The following TMEM272 variants were observed in gnomAD, a reference collection of about 807,000 sequenced individuals.
TMEM272 encodes long intergenic non-protein coding RNA 282.
In TMEM272, 8 loss-of-function variants were observed where a neutral mutation model predicts 3.7. The observed-to-expected ratio is 2.17, with a 90% CI of 1.27 to 3.91. TMEM272 has a LOEUF of 3.91. Among genes scored for constraint, TMEM272 ranks in the 30% most tolerant of loss-of-function variants. The probability of loss-of-function intolerance (pLI) is 0.00; values close to 1 mark genes in which losing one functional copy is unlikely to be tolerated. For synonymous variants in TMEM272, 63 were observed against 39.8 expected (o/e 1.58, Z -2.20); for missense variants, 166 against 91.5 (o/e 1.81, Z -3.32).
At chr13:51,881,128 A>G in the TMEM272 span, among the ~76,000 whole-genome samples, 8 of 152,190 alleles carry the variant, frequency 5.3e-5, no homozygotes, top group Non-Finnish European at 7.3e-5. Flanking sequence ...GAACAACTGA[A>G]TAACACTGAA....
chr13:51,880,134 G>A, the TMEM272 span, among the ~76,000 whole-genome samples: 3 of 152,204 alleles, frequency 2.0e-5, no homozygotes, highest in African/African-American at 4.8e-5. Context: ...AATTTGATTT[G>A]AGAACATTAG....
the TMEM272 span, chr13:51,865,661 G>T: frequency 6.2e-7 from 1 of 1,614,206 alleles, no homozygotes; most frequent in African/African-American, 1.3e-5. Flanking sequence ...ACCTTTCTGG[G>T]AAGAGGAGAA....
chr13:51,902,344 A>T, the TMEM272 span, among the ~76,000 whole-genome samples: 1 of 152,218 alleles, frequency 6.6e-6, no homozygotes, highest in African/African-American at 2.4e-5. Flanking sequence ...CGCCTGGAAA[A>T]GCTTTGGGAA....
At chr13:51,832,648 C>T (rs2139573019) in intron 2 of TMEM272, among the ~76,000 whole-genome samples, 1 of 152,288 alleles carries the variant, frequency 6.6e-6, no homozygotes, top group South Asian at 2.1e-4. Context: ...GTCATTCTGC[C>T]TCTGCCTCGT....
At chr13:51,826,789 G>A (rs937586833) in intron 2 of TMEM272, among the ~76,000 whole-genome samples, 164 bp from the exon 3 acceptor site, 1 of 152,268 alleles carries the variant, frequency 6.6e-6, no homozygotes, top group Non-Finnish European at 1.5e-5. Flanking sequence ...CTCCCACACA[G>A]TGGATGCAAG....
At chr13:51,850,013 G>A (rs117816630), upstream of TMEM272, among the ~76,000 whole-genome samples, 146 of 152,294 alleles carry the variant, frequency 9.6e-4, 1 homozygote, top group Non-Finnish European at 1.8e-3. Context: ...CCAGGAGTTC[G>A]AGACCAGCTC....
chr13:51,888,526 G>C, the TMEM272 span, among the ~76,000 whole-genome samples: 2 of 151,512 alleles, frequency 1.3e-5, no homozygotes, highest in African/African-American at 4.9e-5. Flanking sequence ...TCACTTTATA[G>C]TCACCCTATG....
chr13:51,919,443 G>A, the TMEM272 span, among the ~76,000 whole-genome samples: 1 of 151,918 alleles, frequency 6.6e-6, no homozygotes, highest in Non-Finnish European at 1.5e-5. Context: ...CTCCCCATAG[G>A]AAACCACCGA....
chr13:51,926,443 C>G, the TMEM272 span, among the ~76,000 whole-genome samples: 1 of 152,138 alleles, frequency 6.6e-6, no homozygotes, highest in Admixed American at 6.5e-5. Flanking sequence ...GCAGTGGACA[C>G]AATTCACTAG....
At chr13:51,932,427 A>G in the TMEM272 span, 1 of 152,288 alleles carries the variant, frequency 6.6e-6, no homozygotes, top group Non-Finnish European at 1.5e-5. Flanking sequence ...CTTTGACAGG[A>G]GCTGCCTTTC....
At chr13:51,850,185 T>C in the TMEM272 span, among the ~76,000 whole-genome samples, 4 of 152,222 alleles carry the variant, frequency 2.6e-5, no homozygotes, top group Non-Finnish European at 5.9e-5. Context: ...TGGGGAGAAC[T>C]GGCATTCTAC....
chr13:51,884,633 T>G, the TMEM272 span, among the ~76,000 whole-genome samples: 1 of 152,164 alleles, frequency 6.6e-6, no homozygotes, highest in Admixed American at 6.5e-5. Flanking sequence ...CTCAGTAGTG[T>G]ATGGTGAGGT....
chr13:51,917,855 G>A, the TMEM272 span, among the ~76,000 whole-genome samples: 8 of 152,152 alleles, frequency 5.3e-5, no homozygotes, highest in South Asian at 2.1e-4. Context: ...GAATTCTCAC[G>A]TCCCAAACTG....
the TMEM272 span, among the ~76,000 whole-genome samples, chr13:51,851,734 A>G: frequency 6.6e-6 from 1 of 152,182 alleles, no homozygotes; most frequent in Non-Finnish European, 1.5e-5. Flanking sequence ...TATGTTGGCC[A>G]GGCTGCTCTC....
chr13:51,859,190 A>T, the TMEM272 span, among the ~76,000 whole-genome samples: 1 of 151,754 alleles, frequency 6.6e-6, no homozygotes, highest in South Asian at 2.1e-4. Context: ...AAAAAAAAAA[A>T]TGGTAATTGT....
At chr13:51,821,990 G>A (rs1452414471) in intron 4 of TMEM272, 65 bp downstream of exon 4, 16 of 701,862 alleles carry the variant, frequency 2.3e-5, no homozygotes, top group Non-Finnish European at 3.6e-5. Flanking sequence ...AATAACAGGT[G>A]CATTACAGGA....
chr13:51,865,999 C>T, the TMEM272 span: 22 of 1,613,064 alleles, frequency 1.4e-5, no homozygotes, highest in African/African-American at 1.3e-4. Context: ...GCCACATTGC[C>T]GGAGAGCAGA....
chr13:51,909,806 T>C, the TMEM272 span: 22 of 1,587,556 alleles, frequency 1.4e-5, no homozygotes, highest in Admixed American at 3.4e-5. Flanking sequence ...CTTTGATCTT[T>C]AGCAAGCGTT....
chr13:51,882,419 A>G, the TMEM272 span, among the ~76,000 whole-genome samples: 6 of 152,222 alleles, frequency 3.9e-5, no homozygotes, highest in Non-Finnish European at 7.3e-5. Context: ...TATCCCAAAT[A>G]ATTTTCCTTA....
Sources: gnomAD v4.1 joint callset for allele counts (sites outside exome capture counted in the v4.1 genomes callset) on GRCh38, gnomAD v4.1.1 for gene constraint, MANE v1.5 for transcripts, NCBI Gene and HGNC (gene_info 2026-07-23, HGNC 2026-07-21) for gene names.